NEO1: variants seen among roughly 807,000 people sequenced by gnomAD.
The protein encoded by NEO1 is neogenin 1.
Under a neutral mutation model 159.7 loss-of-function variants are expected in NEO1, and 63 were observed. The observed-to-expected ratio is 0.39, with a 90% confidence interval of 0.32 to 0.49. The LOEUF is 0.49. Ranked by LOEUF, NEO1 falls within the 20% of genes least tolerant of loss-of-function variation. NEO1 has a pLI of 0.85. For synonymous variants in NEO1, 633 were observed against 662.0 expected (o/e 0.96, Z 0.67); for missense variants, 1,615 against 1,831.0 (o/e 0.88, Z 2.15).
intron 7 of NEO1, among the ~76,000 whole-genome samples, chr15:73,203,295 T>C (rs1237242554): frequency 6.6e-6 from 1 of 152,176 alleles, no homozygotes; most frequent in Non-Finnish European, 1.5e-5. Context: ...GGGTGTTTTT[T>C]ATAGTGGCTA....
intron 1 of NEO1, among the ~76,000 whole-genome samples, chr15:73,071,055 C>T (rs1476846996): frequency 1.3e-5 from 2 of 151,650 alleles, no homozygotes; most frequent in Non-Finnish European, 2.9e-5. Context: ...GCCTTCAACT[C>T]CTGGGCTCAA....
chr15:73,288,696 CAT>C, intron 24 of NEO1, 145 bp downstream of exon 24: 1 of 697,286 alleles, frequency 1.4e-6, no homozygotes. Flanking sequence ...GATTTGGGAA[CAT>C]ATGATGAAGA....
intron 14 of NEO1, among the ~76,000 whole-genome samples, chr15:73,259,370 ATT>A (rs10623352): frequency 0.1 from 13,729 of 135,530 alleles, 922 homozygotes; most frequent in African/African-American, 0.18. Context: ...CATTTTACTA[ATT>A]TTTTTTTTTT....
chr15:73,223,659 CAT>C (rs980688046), intron 7 of NEO1, among the ~76,000 whole-genome samples: 2 of 152,110 alleles, frequency 1.3e-5, no homozygotes, highest in Non-Finnish European at 2.9e-5. Context: ...CCTTTAAGTT[CAT>C]ATGAGTCCTT....
At chr15:73,205,379 T>C (rs1224020879) in intron 7 of NEO1, among the ~76,000 whole-genome samples, 1 of 152,180 alleles carries the variant, frequency 6.6e-6, no homozygotes, top group Non-Finnish European at 1.5e-5. Context: ...GGAATTTCTT[T>C]CCTCTAGCTG....
In NEO1 at chr15:73,288,382, T is replaced by A; in HGVS notation, c.3480T>A (p.Pro1160=). 1 of 1,614,118 alleles carries A rather than the reference T, an allele frequency of 6.2e-7. No homozygotes were observed. Among genetic ancestry groups the A allele is most frequent in the Non-Finnish European group, 8.5e-7 (1 of 1,180,012 alleles). Reference sequence around the variant, plus strand: ...AAGGGAATTCCAAAGATGTGAAACCTCCAGATCTCTGGATCCATCATGAGA... The same window carrying A: ...AAGGGAATTCCAAAGATGTGAAACCACCAGATCTCTGGATCCATCATGAGA... The part of the protein sequence containing the change: ...KYKGNSKDVK[P]PDLWIHHERL... The change falls in exon 24 of 29, where the codon CCT becomes CCA. Residue 1160 remains proline (P), a synonymous_variant. Coordinates refer to ENST00000261908, the MANE Select transcript of NEO1 (RefSeq NM_002499.4).
At chr15:73,268,481 T>C (rs2041019873) in intron 16 of NEO1, among the ~76,000 whole-genome samples, 1 of 152,242 alleles carries the variant, frequency 6.6e-6, no homozygotes, top group Non-Finnish European at 1.5e-5. Context: ...AATTGGTATG[T>C]GTCCTGCCAA....
intron 1 of NEO1, among the ~76,000 whole-genome samples, chr15:73,068,357 G>A (rs971928386): frequency 1.3e-5 from 2 of 151,940 alleles, no homozygotes; most frequent in Non-Finnish European, 2.9e-5. Context: ...GATTACAGGT[G>A]TGCACAACCA....
chr15:73,198,033 A>G (rs2036636100), intron 7 of NEO1, among the ~76,000 whole-genome samples: 1 of 152,020 alleles, frequency 6.6e-6, no homozygotes, highest in South Asian at 2.1e-4. Flanking sequence ...TTCATTTTCA[A>G]ACTTTTGGTG....
intron 3 of NEO1, among the ~76,000 whole-genome samples, chr15:73,123,021 G>A (rs557926534): frequency 4.7e-4 from 72 of 152,230 alleles, no homozygotes; most frequent in Non-Finnish European, 9.3e-4. Flanking sequence ...GCCAGACATG[G>A]TGGCAGGCGC....
At chr15:73,264,039 T>C (rs1435069388) in intron 15 of NEO1, among the ~76,000 whole-genome samples, 1 of 152,044 alleles carries the variant, frequency 6.6e-6, no homozygotes, top group African/African-American at 2.4e-5. Flanking sequence ...TTTAAAAAAT[T>C]AGCTAGGCAT....
intron 26 of NEO1, among the ~76,000 whole-genome samples, chr15:73,295,147 A>ATATAT (rs1238740275): frequency 3.0e-5 from 3 of 100,478 alleles, no homozygotes; most frequent in Admixed American, 1.1e-4. Context: ...TATATATGTA[A>ATATAT]AAATTTGGCC....
At chr15:73,082,320 T>C (rs1352345354) in intron 1 of NEO1, among the ~76,000 whole-genome samples, 3 of 152,154 alleles carry the variant, frequency 2.0e-5, no homozygotes, top group East Asian at 3.9e-4. Flanking sequence ...TGCGATAGAG[T>C]AGGTAAATTT....
chr15:73,282,471 T>C (rs1231892486), intron 22 of NEO1, among the ~76,000 whole-genome samples: 1 of 152,266 alleles, frequency 6.6e-6, no homozygotes, highest in Non-Finnish European at 1.5e-5. Context: ...GCTGTGTATT[T>C]ATAAAAACAG....
chr15:73,171,681 G>T (rs182305540), intron 5 of NEO1, among the ~76,000 whole-genome samples: 1 of 149,832 alleles, frequency 6.7e-6, no homozygotes, highest in African/African-American at 2.4e-5. Flanking sequence ...TTGTTCTGTC[G>T]CCCAGGCTGA....
intron 7 of NEO1, among the ~76,000 whole-genome samples, chr15:73,235,525 C>G (rs2039125402): frequency 6.6e-6 from 1 of 152,186 alleles, no homozygotes; most frequent in African/African-American, 2.4e-5. Flanking sequence ...CTTCCTTTCT[C>G]CCATCCAGTC....
intron 8 of NEO1, 26 bp from the exon 9 acceptor site, chr15:73,244,314 GCTAT>G (rs1436833448): frequency 8.8e-6 from 14 of 1,596,222 alleles, no homozygotes; most frequent in Non-Finnish European, 1.1e-5. Flanking sequence ...CCTAATTAAT[GCTAT>G]CTCTCTCCAA....
intron 13 of NEO1, among the ~76,000 whole-genome samples, chr15:73,258,264 G>A (rs776225459): frequency 3.3e-5 from 5 of 152,188 alleles, no homozygotes; most frequent in Non-Finnish European, 5.9e-5. Context: ...TTTTGAGACC[G>A]TATTTGGTGC....
rs1425922774 is a variant in NEO1 at position 73,260,423 on chromosome 15, A to G, written c.2356A>G (p.Lys786Glu). 1.2e-6 allele frequency: 2 copies of G among 1,613,906 alleles called. No individual in the cohort carries two copies. Among genetic ancestry groups the G allele is most frequent in the Admixed American group, 1.7e-5 (1 of 59,996 alleles). ...GIGSPHAQTI[K>E]VDYKQRYYTI... ...TGGCAGCCCTCATGCCCAGACCATC[A>G]AAGTGGACTATAAACAGCGCTATTA... Residue 786 changes from lysine to glutamate, a missense_variant, in exon 15 of 29, where the codon AAA becomes GAA. By Grantham distance (56) the Lys-to-Glu change is moderately conservative (BLOSUM62 1). Transcript: ENST00000261908.
Sources: gnomAD v4.1 joint callset for allele counts (sites outside exome capture counted in the v4.1 genomes callset) on GRCh38, gnomAD v4.1.1 for gene constraint, MANE v1.5 for transcripts, NCBI Gene and HGNC (gene_info 2026-07-23, HGNC 2026-07-21) for gene names.